The following CNBD1 variants were observed in gnomAD, a reference collection of about 807,000 sequenced individuals.
CNBD1 encodes the protein cyclic nucleotide-binding domain-containing protein 1.
CNBD1 carries 71 observed loss-of-function variants against 54.4 expected under a neutral mutation model. The observed-to-expected ratio is 1.30, with a 90% confidence interval of 1.08 to 1.59. The LOEUF is 1.59. Ranked by LOEUF, CNBD1 falls within the 40% of genes most tolerant of loss-of-function variation. CNBD1 has a pLI of 0.00. For synonymous variants in CNBD1, 182 were observed against 170.7 expected (o/e 1.07, Z -0.51); for missense variants, 659 against 518.0 (o/e 1.27, Z -2.64).
chr8:87,275,568 T>C (rs1808460623), intron 6 of CNBD1, among the ~76,000 whole-genome samples: 1 of 151,712 alleles, frequency 6.6e-6, no homozygotes, highest in Non-Finnish European at 1.5e-5. Context: ...TGATGGGACG[T>C]ATCTCAAAAT....
intron 4 of CNBD1, among the ~76,000 whole-genome samples, chr8:86,991,612 T>C (rs1482346764): frequency 3.3e-5 from 5 of 152,268 alleles, no homozygotes; most frequent in Middle Eastern, 3.4e-3. Context: ...TTAAGTTAGA[T>C]TGTTACTTTG....
At chr8:87,398,023 T>A (rs113730665) in intron 2 of CNBD1, among the ~76,000 whole-genome samples, 2,877 of 151,946 alleles carry the variant, frequency 0.019, 94 homozygotes, top group African/African-American at 0.063. Flanking sequence ...TAAACCTCTT[T>A]CATTTGTAAA....
intron 4 of CNBD1, among the ~76,000 whole-genome samples, chr8:87,138,263 C>G (rs1247957977): frequency 6.6e-6 from 1 of 152,118 alleles, no homozygotes; most frequent in African/African-American, 2.4e-5. Context: ...AAGGAGGTTA[C>G]CAACTGAGTG....
intron 4 of CNBD1, among the ~76,000 whole-genome samples, chr8:87,151,222 C>A (rs867068791): frequency 6.6e-6 from 1 of 152,166 alleles, no homozygotes; most frequent in African/African-American, 2.4e-5. Context: ...CCAGGAGCAT[C>A]CTTTGACCCA....
intron 4 of CNBD1, among the ~76,000 whole-genome samples, chr8:87,178,312 A>C (rs903195038): frequency 5.3e-5 from 8 of 152,214 alleles, no homozygotes; most frequent in African/African-American, 1.9e-4. Context: ...ATTTAGAAAT[A>C]CTCTGAGAAA....
At chr8:87,331,397 C>T (rs1442500118) in intron 8 of CNBD1, among the ~76,000 whole-genome samples, 1 of 152,188 alleles carries the variant, frequency 6.6e-6, no homozygotes, top group African/African-American at 2.4e-5. Context: ...TGATCTCATT[C>T]CTTTCTGTAG....
intron 8 of CNBD1, among the ~76,000 whole-genome samples, chr8:87,305,331 C>G (rs1809119611): frequency 6.6e-6 from 1 of 152,028 alleles, no homozygotes; most frequent in African/African-American, 2.4e-5. Context: ...GACCATATTG[C>G]CAAAAACAAT....
chr8:86,881,930 T>G (rs1359777831), intron 1 of CNBD1, among the ~76,000 whole-genome samples: 2 of 152,190 alleles, frequency 1.3e-5, no homozygotes, highest in Non-Finnish European at 1.5e-5. Context: ...GATTCCCTAT[T>G]CAATACTGGG....
At position 87,228,962 on chromosome 8, in the gene CNBD1, G is replaced by A. The variant is rs183149336; in HGVS notation, c.578-7957G>A. Among the ~76,000 whole-genome samples the A allele has an allele frequency of 9.1e-3, 1,392 of 152,292 alleles. 23 individuals are homozygous for A. Among genetic ancestry groups the A allele is most frequent in the Middle Eastern group, 0.031 (9 of 294 alleles). ...TCATGGTGCGCCGTTTTTTAAGCCC[G>A]TCGGAAAAGCGCGGTATTCGGGTGG... On this transcript the variant is annotated intron_variant, in intron 5 of 10. Coordinates refer to ENST00000518476, the MANE Select transcript of CNBD1 (RefSeq NM_173538.3).
At chr8:86,918,528 A>G (rs916974854) in intron 3 of CNBD1, among the ~76,000 whole-genome samples, 2 of 151,872 alleles carry the variant, frequency 1.3e-5, no homozygotes, top group African/African-American at 4.8e-5. Flanking sequence ...GAATCATGGG[A>G]GCCGTTTCCC....
chr8:87,055,916 TTCCTTC>T (rs1387816620), intron 4 of CNBD1, among the ~76,000 whole-genome samples: 1 of 142,868 alleles, frequency 7.0e-6, no homozygotes, highest in Non-Finnish European at 1.5e-5. Flanking sequence ...CCTTCCTTCC[TTCCTTC>T]CTTCCTTCCT....
chr8:87,142,435 T>C (rs2130739671), intron 4 of CNBD1, among the ~76,000 whole-genome samples: 1 of 152,186 alleles, frequency 6.6e-6, no homozygotes, highest in South Asian at 2.1e-4. Flanking sequence ...GTTACGAGAT[T>C]TAAGGTGGAT....
intron 3 of CNBD1, among the ~76,000 whole-genome samples, chr8:86,930,541 T>C (rs1809440168): frequency 6.6e-6 from 1 of 152,152 alleles, no homozygotes; most frequent in Admixed American, 6.5e-5. Flanking sequence ...ATGTGGTCTG[T>C]GGGATCCTCA....
At chr8:87,021,655 T>C (rs1171606384) in intron 4 of CNBD1, among the ~76,000 whole-genome samples, 1 of 152,190 alleles carries the variant, frequency 6.6e-6, no homozygotes, top group Admixed American at 6.5e-5. Context: ...GAAGTTCCCA[T>C]TGACACTTGT....
chr8:87,403,456 C>G (rs905242798), intron 2 of CNBD1, among the ~76,000 whole-genome samples: 1 of 151,866 alleles, frequency 6.6e-6, no homozygotes, highest in Admixed American at 6.6e-5. Flanking sequence ...TTTCAATTTC[C>G]GCGTGCTACT....
In CNBD1 at chr8:87,222,255, C is replaced by A. The variant is rs759566832; in HGVS notation, c.578-14664C>A. Among the ~76,000 whole-genome samples, 212 of 152,124 alleles carry A rather than the reference C, an allele frequency of 1.4e-3. 1 individual carries two copies. The highest frequency in any genetic ancestry group is 2.7e-3 in the Non-Finnish European group (183 of 67,986). On this transcript the variant is annotated intron_variant, in intron 5 of 10. Coordinates refer to ENST00000518476, the MANE Select transcript of CNBD1 (RefSeq NM_173538.3). ...TGATCTTCAAATATTTTATAAAATT[C>A]TTTGGAGAGAAATACTGTAGGGGAT...
At chr8:87,424,455 C>G (rs142973309) in intron 2 of CNBD1, among the ~76,000 whole-genome samples, 3,336 of 152,246 alleles carry the variant, frequency 0.022, 51 homozygotes, top group Non-Finnish European at 0.032. Context: ...GAATGCGTCC[C>G]AGAGATTCTG....
chr8:86,932,750 A>G (rs769692848), intron 3 of CNBD1, among the ~76,000 whole-genome samples: 12 of 152,014 alleles, frequency 7.9e-5, no homozygotes, highest in Non-Finnish European at 1.3e-4. Flanking sequence ...ATTGTTCCCA[A>G]TGGATTCATT....
intron 2 of CNBD1, among the ~76,000 whole-genome samples, chr8:87,391,421 A>G (rs1455349000): frequency 6.6e-6 from 1 of 152,136 alleles, no homozygotes; most frequent in Non-Finnish European, 1.5e-5. Flanking sequence ...ATCCTGAAAG[A>G]GAACAAAGCG....
Sources: allele counts gnomAD v4.1 joint callset (sites outside exome capture counted in the v4.1 genomes callset), GRCh38; gene constraint gnomAD v4.1.1; transcripts MANE v1.5; gene names NCBI Gene and HGNC (gene_info 2026-07-23, HGNC 2026-07-21).